Variants in OXR1 observed in about 807,000 individuals in gnomAD.
OXR1 encodes oxidation resistance protein 1.
OXR1 carries 41 observed loss-of-function variants against 104.6 expected under a neutral mutation model. The observed-to-expected ratio is 0.39, with a 90% CI of 0.31 to 0.51. The LOEUF (loss-of-function observed/expected upper bound fraction) is 0.51. OXR1 is among the 20% of genes least tolerant of loss of function. The pLI is 0.77. For synonymous variants in OXR1, 348 were observed against 348.4 expected (o/e 1.00, Z 0.01); for missense variants, 955 against 1,031.9 (o/e 0.93, Z 1.02).
intron 3 of OXR1, among the ~76,000 whole-genome samples, chr8:106,655,405 G>A (rs1469277448): frequency 6.6e-6 from 1 of 151,694 alleles, no homozygotes; most frequent in African/African-American, 2.4e-5. Flanking sequence ...GGCTGATAGA[G>A]GAAGGATAAG....
intron 3 of OXR1, among the ~76,000 whole-genome samples, chr8:106,577,378 CTTTTTTTTTTT>C (rs5893798): frequency 6.9e-5 from 3 of 43,604 alleles, no homozygotes; most frequent in Middle Eastern, 0.029. Flanking sequence ...GCCCAGCTAA[CTTTTTTTTTTT>C]TTTTTTTTTT....
At chr8:106,595,065 T>C (rs894670175) in intron 3 of OXR1, among the ~76,000 whole-genome samples, 3 of 152,248 alleles carry the variant, frequency 2.0e-5, no homozygotes, top group Non-Finnish European at 4.4e-5. Flanking sequence ...TCAAAAAAGC[T>C]TTTGAAACAT....
At chr8:106,471,288 TTAA>T (rs1485437553) in intron 2 of OXR1, among the ~76,000 whole-genome samples, 1 of 151,734 alleles carries the variant, frequency 6.6e-6, no homozygotes, top group African/African-American at 2.4e-5. Context: ...AATTTTAATA[TTAA>T]TAATTAGCAA....
intron 3 of OXR1, among the ~76,000 whole-genome samples, chr8:106,547,082 G>A (rs1166864064): frequency 3.9e-5 from 6 of 152,038 alleles, no homozygotes; most frequent in African/African-American, 1.4e-4. Context: ...GTAGAGACCG[G>A]GTTTCACCAT....
intron 3 of OXR1, among the ~76,000 whole-genome samples, chr8:106,555,575 A>G (rs1816202759): frequency 6.6e-6 from 1 of 152,104 alleles, no homozygotes; most frequent in East Asian, 1.9e-4. Flanking sequence ...ATTCCAATGG[A>G]ATATAAGTAA....
chr8:106,573,609 A>G lies in OXR1; in HGVS notation c.220+54470A>G, dbSNP rs770978866. 2.6e-5 allele frequency among the ~76,000 whole-genome samples: 4 copies of G among 152,342 alleles called. No individual in the cohort carries two copies. In the South Asian group the frequency reaches 8.3e-4, roughly 32 times the overall value. The stretch of plus-strand genomic sequence containing the variant: ...TAATATATCCATTAGTTCTTCAAAT[A>G]AAGCCATTGTAAATGCTTGAGCAGT... On this transcript the variant is annotated intron_variant, in intron 3 of 16. Transcript: ENST00000517566.
At chr8:106,466,038 C>T (rs1235964719) in intron 2 of OXR1, among the ~76,000 whole-genome samples, 1 of 151,970 alleles carries the variant, frequency 6.6e-6, no homozygotes, top group Non-Finnish European at 1.5e-5. Flanking sequence ...AATGTCTCTA[C>T]TGACCTACTT....
intron 7 of OXR1, among the ~76,000 whole-genome samples, chr8:106,695,294 G>A (rs957156944): frequency 2.0e-5 from 3 of 151,268 alleles, no homozygotes; most frequent in African/African-American, 7.3e-5. Context: ...TTTTATATAA[G>A]GACTTCTAAA....
chr8:106,567,451 T>G (rs1563611007), intron 3 of OXR1, among the ~76,000 whole-genome samples: 1 of 152,152 alleles, frequency 6.6e-6, no homozygotes, highest in African/African-American at 2.4e-5. Context: ...TTGTGCTTAC[T>G]TCAGTGAGGA....
intron 1 of OXR1, among the ~76,000 whole-genome samples, chr8:106,279,656 A>T (rs1458158356): frequency 2.6e-5 from 4 of 152,210 alleles, no homozygotes; most frequent in Non-Finnish European, 4.4e-5. Flanking sequence ...CATTTAGATT[A>T]CTTTGTGGAA....
intron 3 of OXR1, chr8:106,658,078 C>G: frequency 8.0e-7 from 1 of 1,248,342 alleles, no homozygotes; most frequent in East Asian, 3.2e-5. Flanking sequence ...GGCGGCGAAG[C>G]CCGGCAGGTG....
chr8:106,439,900 C>CT (rs138046210), intron 2 of OXR1, among the ~76,000 whole-genome samples: 1 of 152,164 alleles, frequency 6.6e-6, no homozygotes, highest in Non-Finnish European at 1.5e-5. Flanking sequence ...ATTTAAAGCT[C>CT]TTATGTGAAT....
rs750972238 is a variant in OXR1, at chr8:106,692,760, C to T, written c.558C>T (p.Pro186=). The T allele has an allele frequency of 1.3e-6, 2 of 1,566,062 alleles. No individual in the cohort carries two copies. Among genetic ancestry groups the T allele is most frequent in the Non-Finnish European group, 8.7e-7 (1 of 1,154,866 alleles). Reference sequence around the variant, plus strand: ...ATGTCCATCCAACAGAAGCAACTCCCTCATCTACTTTCACTGGTATTCGAC... The same window carrying T: ...ATGTCCATCCAACAGAAGCAACTCCTTCATCTACTTTCACTGGTATTCGAC... ...NPDVHPTEAT[P]SSTFTGIRPA... is the part of the protein sequence containing the mutation. The change falls in exon 7 of 17, where the codon CCC becomes CCT. Residue 186 remains proline, a synonymous_variant. Transcript: ENST00000517566.
At position 106,489,129 on chromosome 8, in the gene OXR1, A is replaced by G. The variant is rs535506418; in HGVS notation, c.24-29814A>G. 4.4e-4 allele frequency among the ~76,000 whole-genome samples: 66 copies of G among 149,890 alleles called. 2 individuals carry two copies. In the South Asian group the frequency reaches 7.3e-3, roughly 17 times the overall value. On this transcript the variant is annotated intron_variant, in intron 2 of 16. Coordinates refer to ENST00000517566, the MANE Select transcript of OXR1 (RefSeq NM_001198533.2). ...CAGTGGTTTGTAGTTCTCCTTGAAG[A>G]GGTCCTTCACATCCCTTGTAAGTTG...
intron 3 of OXR1, among the ~76,000 whole-genome samples, chr8:106,561,620 C>T (rs1816689784): frequency 1.3e-5 from 2 of 152,186 alleles, no homozygotes; most frequent in Admixed American, 6.5e-5. Flanking sequence ...AGCGATCGAG[C>T]TCTGCTAAGG....
At chr8:106,616,905 C>T (rs751450337) in intron 3 of OXR1, among the ~76,000 whole-genome samples, 4 of 152,252 alleles carry the variant, frequency 2.6e-5, no homozygotes, top group Non-Finnish European at 5.9e-5. Context: ...TGTCTGTTCT[C>T]AATGGTTGTG....
intron 3 of OXR1, among the ~76,000 whole-genome samples, chr8:106,555,002 C>G (rs1816156970): frequency 6.6e-6 from 1 of 152,136 alleles, no homozygotes; most frequent in South Asian, 2.1e-4. Flanking sequence ...AATCATCTCA[C>G]AGTTACCAGT....
chr8:106,625,952 T>C (rs1001572249), intron 3 of OXR1, among the ~76,000 whole-genome samples: 2 of 152,020 alleles, frequency 1.3e-5, no homozygotes, highest in African/African-American at 4.8e-5. Context: ...AAAATTGCTT[T>C]TAATTTTATA....
chr8:106,524,963 T>C (rs1249156498), intron 3 of OXR1, among the ~76,000 whole-genome samples: 1 of 152,220 alleles, frequency 6.6e-6, no homozygotes, highest in Non-Finnish European at 1.5e-5. Flanking sequence ...TCTGCACTTC[T>C]CTGTGCCTCC....
Sources: allele counts gnomAD v4.1 joint callset (sites outside exome capture counted in the v4.1 genomes callset), GRCh38; gene constraint gnomAD v4.1.1; transcripts MANE v1.5; gene names NCBI Gene and HGNC (gene_info 2026-07-23, HGNC 2026-07-21).